Variants in STT3B observed in about 807,000 individuals in gnomAD.
STT3B encodes dolichyl-diphosphooligosaccharide--protein glycosyltransferase subunit STT3B.
STT3B carries 29 observed loss-of-function variants against 96.8 expected under a neutral mutation model. That is an observed-to-expected ratio of 0.30 (90% CI 0.22 to 0.41). STT3B has a LOEUF of 0.41. STT3B is among the 10% of genes least tolerant of loss of function. The probability of loss-of-function intolerance (pLI) is 1.00; values close to 1 mark genes in which losing one functional copy is unlikely to be tolerated. For synonymous variants in STT3B, 367 were observed against 360.0 expected (o/e 1.02, Z -0.22); for missense variants, 640 against 1,022.3 (o/e 0.63, Z 5.10).
At chr3:31,535,977 G>T (rs922237965) in intron 1 of STT3B, among the ~76,000 whole-genome samples, 4 of 152,148 alleles carry the variant, frequency 2.6e-5, no homozygotes, top group African/African-American at 9.7e-5. Flanking sequence ...GCCTTACCGT[G>T]AATGGAGATT....
chr3:31,589,495 G>C (rs572211096), intron 3 of STT3B, among the ~76,000 whole-genome samples: 1 of 152,004 alleles, frequency 6.6e-6, no homozygotes, highest in African/African-American at 2.4e-5. Context: ...GGAGTGATGA[G>C]AGAGAACAAC....
chr3:31,606,944 T>G (rs1699067341), intron 5 of STT3B, among the ~76,000 whole-genome samples: 1 of 152,198 alleles, frequency 6.6e-6, no homozygotes, highest in African/African-American at 2.4e-5. Context: ...CCACCTCTTG[T>G]ATCAGCGTGA....
At chr3:31,588,437 C>G (rs1698594550) in intron 3 of STT3B, among the ~76,000 whole-genome samples, 1 of 152,002 alleles carries the variant, frequency 6.6e-6, no homozygotes, top group Non-Finnish European at 1.5e-5. Flanking sequence ...TTCCCTAAGC[C>G]TAATCCATTA....
Position 31,532,978 on chromosome 3 carries a change from G to T in STT3B, c.-21G>T. 1.9e-6 allele frequency: 3 copies of T among 1,579,310 alleles called. No individual in the cohort carries two copies. Among genetic ancestry groups the T allele is most frequent in the South Asian group, 1.1e-5 (1 of 88,508 alleles). On this transcript the variant is annotated 5_prime_UTR_variant, in exon 1 of 16. Transcript: ENST00000295770. ...CGGCGGCGGCGGAGGAGGAGAGCTA[G>T]ACCCGCCGCCGGGGCACAACATGGC...
At chr3:31,631,870 C>T (rs754701601) in intron 14 of STT3B, among the ~76,000 whole-genome samples, 347 of 149,650 alleles carry the variant, frequency 2.3e-3, no homozygotes, top group Non-Finnish European at 4.1e-3. Flanking sequence ...TTTTTTTTTT[C>T]CCCGAGACAG....
chr3:31,583,245 TC>T (rs1698451782), intron 3 of STT3B, among the ~76,000 whole-genome samples: 1 of 152,216 alleles, frequency 6.6e-6, no homozygotes, highest in East Asian at 1.9e-4. Context: ...TGCTATACCT[TC>T]TTGCTGTATT....
Position 31,567,923 on chromosome 3 carries a change from T to C in STT3B, c.315-8473T>C, listed in dbSNP as rs139691833. ...ATTTGTTGTGCTATCAAATACCAGA[T>C]CTTTTTTCTTAAATACTAGATCTTA... On this transcript the variant is annotated intron_variant, in intron 1 of 15. Coordinates refer to ENST00000295770, the MANE Select transcript of STT3B (RefSeq NM_178862.3). 3.2e-4 allele frequency among the ~76,000 whole-genome samples: 48 copies of C among 152,288 alleles called. 1 individual carries two copies. The highest frequency in any genetic ancestry group is 6.8e-3 in the Middle Eastern group (2 of 294).
chr3:31,594,777 T>TA (rs1698748570), intron 3 of STT3B, among the ~76,000 whole-genome samples: 1 of 152,120 alleles, frequency 6.6e-6, no homozygotes, highest in Non-Finnish European at 1.5e-5. Flanking sequence ...AGGAAACACT[T>TA]AGTTCAATTT....
intron 3 of STT3B, among the ~76,000 whole-genome samples, chr3:31,581,534 A>T (rs186501615): frequency 2.0e-4 from 31 of 152,332 alleles, no homozygotes; most frequent in African/African-American, 7.5e-4. Flanking sequence ...CATTACATTC[A>T]TGAATAAGTC....
At chr3:31,618,320 ATTC>A (rs1012732666) in intron 8 of STT3B, among the ~76,000 whole-genome samples, 1 of 151,922 alleles carries the variant, frequency 6.6e-6, no homozygotes, top group Non-Finnish European at 1.5e-5. Context: ...ATAATTTTTT[ATTC>A]TTAAGAATTC....
At chr3:31,582,778 T>C (rs1046245050) in intron 3 of STT3B, among the ~76,000 whole-genome samples, 5 of 152,198 alleles carry the variant, frequency 3.3e-5, no homozygotes, top group African/African-American at 4.8e-5. Context: ...GAGTATTTTC[T>C]CATTTTTATT....
intron 1 of STT3B, among the ~76,000 whole-genome samples, chr3:31,569,417 C>A (rs1372278211): frequency 1.3e-5 from 2 of 152,152 alleles, no homozygotes; most frequent in East Asian, 3.9e-4. Flanking sequence ...GAGACGGTCT[C>A]TTTTTCCCTA....
intron 1 of STT3B, among the ~76,000 whole-genome samples, chr3:31,562,296 C>T (rs543000428): frequency 6.6e-6 from 1 of 152,226 alleles, no homozygotes; most frequent in East Asian, 1.9e-4. Context: ...GTGGGCTGGT[C>T]CCCAGACCTG....
chr3:31,629,300 A>G lies in STT3B; in HGVS notation c.2076A>G (p.Glu692=), dbSNP rs1699604267. Residue 692 remains glutamate, a splice_region_variant and synonymous_variant, in exon 14 of 16, where the codon GAA becomes GAG. Coordinates refer to ENST00000295770, the MANE Select transcript of STT3B (RefSeq NM_178862.3). ...AACTTGTGGTTTCTTTCTTGTAGGAAAGTGACTATTTTACCCCACAGGGAG... is the reference window on the plus strand; with the variant it reads ...AACTTGTGGTTTCTTTCTTGTAGGAGAGTGACTATTTTACCCCACAGGGAG... ...AEGEHPKDIR[E]SDYFTPQGEF... 6.3e-7 allele frequency: 1 copy of G among 1,576,504 alleles called. No individual in the cohort carries two copies. Among genetic ancestry groups the G allele is most frequent in the African/African-American group, 1.4e-5 (1 of 74,012 alleles).
intron 1 of STT3B, among the ~76,000 whole-genome samples, chr3:31,549,437 C>G (rs140361146): frequency 6.7e-6 from 1 of 149,928 alleles, no homozygotes; most frequent in Non-Finnish European, 1.5e-5. Context: ...TTACCTTGTG[C>G]TGTTGCTTTC....
rs1415220476 is a variant in STT3B, at chr3:31,619,942, A to G, written c.1327+112A>G. The G allele has an allele frequency of 2.0e-6, 3 of 1,509,844 alleles. No individual in the cohort carries two copies. The Admixed American group carries it at 6.9e-5, about 35-fold the overall frequency. 93.5% of individuals were successfully genotyped at this position (1,509,844 alleles called of 1,614,324 possible). Reference sequence around the variant, plus strand: ...GTTTGACTCTATATATTCAAGATAAATTTTCTCCTTTATTTTGCATAGGTG... The same window carrying G: ...GTTTGACTCTATATATTCAAGATAAGTTTTCTCCTTTATTTTGCATAGGTG... On this transcript the variant is annotated intron_variant, in intron 9 of 15. Transcript: ENST00000295770.
intron 1 of STT3B, among the ~76,000 whole-genome samples, chr3:31,543,122 A>G (rs929439534): frequency 2.6e-5 from 4 of 151,930 alleles, no homozygotes; most frequent in East Asian, 3.9e-4. Context: ...TCTCTCAGAA[A>G]TCACAATTGA....
chr3:31,556,951 A>T (rs1412860137), intron 1 of STT3B, among the ~76,000 whole-genome samples: 1 of 152,132 alleles, frequency 6.6e-6, no homozygotes, highest in Admixed American at 6.5e-5. Context: ...CTTAGCATAA[A>T]ATCTTTGCCT....
chr3:31,635,563 GACTCTAAGAGTT>G (rs1699740841), intron 15 of STT3B, among the ~76,000 whole-genome samples: 1 of 152,154 alleles, frequency 6.6e-6, no homozygotes, highest in African/African-American at 2.4e-5. Context: ...AGAAAACAGG[GACTCTAAGAGTT>G]ACTAAGTTAA....
Sources: gnomAD v4.1 joint callset for allele counts (sites outside exome capture counted in the v4.1 genomes callset) on GRCh38, gnomAD v4.1.1 for gene constraint, MANE v1.5 for transcripts, NCBI Gene and HGNC (gene_info 2026-07-23, HGNC 2026-07-21) for gene names.